The following PARD3B variants were observed in gnomAD, a reference collection of about 807,000 sequenced individuals.
PARD3B encodes the protein par-3 family cell polarity regulator beta.
In PARD3B, 103 loss-of-function variants were observed where a neutral mutation model predicts 130.2. The observed-to-expected ratio is 0.79, with a 90% CI of 0.67 to 0.93. The LOEUF (loss-of-function observed/expected upper bound fraction) is 0.93, where lower values mean the gene tolerates loss of function less well. PARD3B is among the 40% of genes least tolerant of loss of function. The probability of loss-of-function intolerance (pLI) is 0.00; values close to 1 mark genes in which losing one functional copy is unlikely to be tolerated. For synonymous variants in PARD3B, 583 were observed against 553.2 expected, an observed-to-expected ratio of 1.05 and a Z score of -0.76; for missense variants, 1,609 against 1,499.2, an observed-to-expected ratio of 1.07 and a Z score of -1.21.
intron 1 of PARD3B, among the ~76,000 whole-genome samples, chr2:204,561,616 A>G (rs1189806611): frequency 2.2e-5 from 3 of 134,076 alleles, no homozygotes; most frequent in African/African-American, 3.0e-5. Context: ...TTTTTTTGAG[A>G]TGGAGTTTTG....
At chr2:204,946,947 C>T (rs1305150050) in intron 2 of PARD3B, among the ~76,000 whole-genome samples, 2 of 152,198 alleles carry the variant, frequency 1.3e-5, no homozygotes, top group Non-Finnish European at 2.9e-5. Context: ...AGTCAGGCAG[C>T]AGAGACAGAT....
At chr2:204,784,199 A>G (rs1040953102) in intron 2 of PARD3B, among the ~76,000 whole-genome samples, 1 of 152,136 alleles carries the variant, frequency 6.6e-6, no homozygotes, top group African/African-American at 2.4e-5. Flanking sequence ...GGGAAGGCTT[A>G]CCTTTTGCTT....
chr2:204,701,770 G>T (rs996488290), intron 2 of PARD3B, among the ~76,000 whole-genome samples: 3 of 151,994 alleles, frequency 2.0e-5, no homozygotes, highest in African/African-American at 7.2e-5. Context: ...GCTTCAGGGG[G>T]TACATGTACG....
intron 2 of PARD3B, among the ~76,000 whole-genome samples, chr2:204,723,670 A>G (rs1328540215): frequency 6.6e-6 from 1 of 152,132 alleles, no homozygotes; most frequent in East Asian, 1.9e-4. Flanking sequence ...GAAATCATGA[A>G]TGGATGAAAA....
chr2:204,717,832 G>A (rs2038804511), intron 2 of PARD3B, among the ~76,000 whole-genome samples: 2 of 152,164 alleles, frequency 1.3e-5, no homozygotes, highest in Admixed American at 1.3e-4. Context: ...AGATGTGGCT[G>A]CTTGTCAGTC....
intron 2 of PARD3B, among the ~76,000 whole-genome samples, chr2:204,718,289 C>A (rs549595309): frequency 6.6e-6 from 1 of 152,068 alleles, no homozygotes; most frequent in East Asian, 1.9e-4. Context: ...TCTCACATGG[C>A]TATAAATAAT....
chr2:205,456,223 A>G (rs1388309454), intron 20 of PARD3B, among the ~76,000 whole-genome samples: 1 of 152,074 alleles, frequency 6.6e-6, no homozygotes, highest in Non-Finnish European at 1.5e-5. Context: ...CCATTGCTTA[A>G]TCATGCTATG....
Position 205,564,634 on chromosome 2 carries a change from T to A in PARD3B, c.3260+11231T>A, listed in dbSNP as rs980269997. Among the ~76,000 whole-genome samples, 1 of 152,214 alleles carries A rather than the reference T, an allele frequency of 6.6e-6. No homozygotes were observed. Among genetic ancestry groups the A allele is most frequent in the Non-Finnish European group, 1.5e-5 (1 of 68,044 alleles). On this transcript the variant is annotated intron_variant, in intron 22 of 22. Transcript: ENST00000406610. The surrounding 1 kb of genome is among the most constrained non-coding windows in gnomAD (Gnocchi z 4.6). ...ACAACTGCGGAAGCATCGCTTCTACTGACTCTGCTGCTTCAAGTCCAGAGA... is the reference window on the plus strand; with the variant it reads ...ACAACTGCGGAAGCATCGCTTCTACAGACTCTGCTGCTTCAAGTCCAGAGA...
rs796567936 is a variant in PARD3B at position 205,550,955 on chromosome 2, G to GTGTATATATATATA, written c.3181-2368_3181-2367insGTATATATATATAT. Among the ~76,000 whole-genome samples, 1 of 94,468 alleles carries GTGTATATATATATA rather than the reference G, an allele frequency of 1.1e-5. No individual in the cohort carries two copies. The highest frequency in any genetic ancestry group is 3.8e-5 in the African/African-American group (1 of 26,372). The allele number at this position is 94,468 out of a possible 152,430, so 62.0% of individuals were successfully genotyped here. ...TGTGTGTGTGTGTATATATATATGT[G>GTGTATATATATATA]TATATATATATATATATATATACAC... is the stretch of plus-strand genomic sequence containing the variant. On this transcript the variant is annotated intron_variant, in intron 21 of 22. Coordinates refer to ENST00000406610, the MANE Select transcript of PARD3B (RefSeq NM_001302769.2). The surrounding 1 kb of genome is among the most constrained non-coding windows in gnomAD (Gnocchi z 4.5).
chr2:204,714,339 A>G (rs1224020658), intron 2 of PARD3B, among the ~76,000 whole-genome samples: 1 of 152,190 alleles, frequency 6.6e-6, no homozygotes, highest in Non-Finnish European at 1.5e-5. Context: ...TATTAGACCA[A>G]AAAATCCAAA....
At chr2:204,970,880 A>G (rs1051091674) in intron 3 of PARD3B, among the ~76,000 whole-genome samples, 1 of 152,138 alleles carries the variant, frequency 6.6e-6, no homozygotes, top group Admixed American at 6.5e-5. Context: ...GCTACTTTCT[A>G]TTTGAAAGTG....
At chr2:204,581,455 AT>A (rs575124079) in intron 1 of PARD3B, among the ~76,000 whole-genome samples, 1,815 of 150,272 alleles carry the variant, frequency 0.012, 38 homozygotes, top group African/African-American at 0.031. Flanking sequence ...GGTTATATGG[AT>A]TTTTTTTTTA....
chr2:205,145,412 A>C (rs2033283138), intron 10 of PARD3B, among the ~76,000 whole-genome samples: 1 of 152,220 alleles, frequency 6.6e-6, no homozygotes, highest in Non-Finnish European at 1.5e-5. Context: ...ACTCAATTCT[A>C]CAAATTTCAG....
At chr2:205,222,585 A>G (rs545712207) in intron 15 of PARD3B, among the ~76,000 whole-genome samples, 1 of 152,356 alleles carries the variant, frequency 6.6e-6, no homozygotes, top group South Asian at 2.1e-4. Context: ...GTGAAAACAT[A>G]CATTATAAAT....
At chr2:205,491,414 T>C (rs1239785995) in intron 20 of PARD3B, among the ~76,000 whole-genome samples, 3 of 152,146 alleles carry the variant, frequency 2.0e-5, no homozygotes, top group Non-Finnish European at 2.9e-5. Flanking sequence ...GATCAGATGG[T>C]TGTAGATATG....
chr2:205,531,945 G>GT (rs375812431), intron 21 of PARD3B, among the ~76,000 whole-genome samples: 60 of 149,124 alleles, frequency 4.0e-4, no homozygotes, highest in East Asian at 9.8e-4. Context: ...CCTTCTTTCT[G>GT]TTTTTTTTTT....
chr2:204,647,303 G>GT (rs573313401), intron 1 of PARD3B, among the ~76,000 whole-genome samples: 1 of 151,260 alleles, frequency 6.6e-6, no homozygotes, highest in African/African-American at 2.4e-5. Flanking sequence ...GTTCATTTTT[G>GT]TTTTTTGAGG....
chr2:204,624,774 G>A (rs896970677), intron 1 of PARD3B, among the ~76,000 whole-genome samples: 14 of 152,260 alleles, frequency 9.2e-5, no homozygotes, highest in Admixed American at 9.2e-4. Context: ...TGGGCCATAT[G>A]TTAAGTGTAT....
At chr2:205,318,689 G>A (rs2042643239) in intron 18 of PARD3B, among the ~76,000 whole-genome samples, 1 of 152,090 alleles carries the variant, frequency 6.6e-6, no homozygotes, top group African/African-American at 2.4e-5. Flanking sequence ...AACGAGCAAA[G>A]GTGCCAAAGA....
Sources: allele counts gnomAD v4.1 joint callset (sites outside exome capture counted in the v4.1 genomes callset), GRCh38; gene constraint gnomAD v4.1.1; non-coding constraint Gnocchi (gnomAD v3.1); transcripts MANE v1.5; gene names NCBI Gene and HGNC (gene_info 2026-07-23, HGNC 2026-07-21).